UNC13C: variants seen among roughly 807,000 people sequenced by gnomAD.
UNC13C encodes unc-13 homolog C.
UNC13C carries 174 observed loss-of-function variants against 245.4 expected under a neutral mutation model. That is an observed-to-expected ratio of 0.71 (90% CI 0.63 to 0.80). UNC13C has a LOEUF of 0.80. Ranked by LOEUF, UNC13C falls within the 30% of genes least tolerant of loss-of-function variation. The probability of loss-of-function intolerance (pLI) is 0.00; values close to 1 mark genes in which losing one functional copy is unlikely to be tolerated. For synonymous variants in UNC13C, 992 were observed against 895.1 expected, an observed-to-expected ratio of 1.11 and a Z score of -1.93; for missense variants, 2,829 against 2,602.9, an observed-to-expected ratio of 1.09 and a Z score of -1.89.
chr15:54,205,463 A>T (rs915851693), intron 4 of UNC13C, among the ~76,000 whole-genome samples: 1 of 152,064 alleles, frequency 6.6e-6, no homozygotes, highest in African/African-American at 2.4e-5. Context: ...ATGGTAAAGA[A>T]AAATGAGCGA....
At chr15:53,992,893 C>T (rs1010476371) in intron 1 of UNC13C, among the ~76,000 whole-genome samples, 3 of 152,056 alleles carry the variant, frequency 2.0e-5, no homozygotes, top group Admixed American at 6.6e-5. Context: ...ATCACTTCTT[C>T]CCCTGAACCT....
At chr15:54,621,965 G>A (rs1265900957) in intron 30 of UNC13C, among the ~76,000 whole-genome samples, 2 of 152,150 alleles carry the variant, frequency 1.3e-5, no homozygotes, top group Non-Finnish European at 2.9e-5. Flanking sequence ...ATGGCACATT[G>A]TGGAAAAGCT....
At chr15:54,009,388 AT>A (rs1895280216) in intron 1 of UNC13C, among the ~76,000 whole-genome samples, 1 of 152,102 alleles carries the variant, frequency 6.6e-6, no homozygotes, top group Non-Finnish European at 1.5e-5. Flanking sequence ...AGTAATTAAT[AT>A]TTACTGGGCT....
intron 4 of UNC13C, among the ~76,000 whole-genome samples, chr15:54,215,746 C>A (rs1269157990): frequency 2.6e-5 from 4 of 151,894 alleles, no homozygotes; most frequent in Admixed American, 6.6e-5. Flanking sequence ...TCAAGACTCT[C>A]ATTAAGAAGC....
At chr15:54,245,664 C>T (rs913296702) in intron 7 of UNC13C, among the ~76,000 whole-genome samples, 29 of 152,214 alleles carry the variant, frequency 1.9e-4, no homozygotes, top group African/African-American at 7.0e-4. Flanking sequence ...TCAAAAAGAT[C>T]ATATTATACC....
intron 8 of UNC13C, among the ~76,000 whole-genome samples, chr15:54,256,076 C>G (rs1411155140): frequency 6.6e-6 from 1 of 152,172 alleles, no homozygotes; most frequent in Non-Finnish European, 1.5e-5. Context: ...AATAATCTGA[C>G]TTCCAGTCTT....
intron 30 of UNC13C, among the ~76,000 whole-genome samples, chr15:54,579,187 G>C (rs1898096642): frequency 6.6e-6 from 1 of 152,088 alleles, no homozygotes; most frequent in African/African-American, 2.4e-5. Context: ...TTCTTCTACA[G>C]GATTCCAAAA....
At chr15:54,072,649 G>A (rs1034999063) in intron 2 of UNC13C, among the ~76,000 whole-genome samples, 1 of 152,104 alleles carries the variant, frequency 6.6e-6, no homozygotes, top group East Asian at 1.9e-4. Context: ...TCAGTATAAG[G>A]TAGGCAGAGA....
intron 30 of UNC13C, among the ~76,000 whole-genome samples, chr15:54,594,951 A>G (rs9673119): frequency 0.45 from 67,980 of 152,080 alleles, 16,378 homozygotes; most frequent in East Asian, 0.68. Context: ...GCTCTGCCCA[A>G]TTTATTGGTT....
intron 17 of UNC13C, among the ~76,000 whole-genome samples, chr15:54,361,241 T>C (rs997347191): frequency 6.6e-6 from 1 of 152,142 alleles, no homozygotes; most frequent in African/African-American, 2.4e-5. Flanking sequence ...AAGTCTATTG[T>C]TGAGGCTTTC....
intron 30 of UNC13C, among the ~76,000 whole-genome samples, chr15:54,585,276 A>T (rs1287084990): frequency 6.6e-6 from 1 of 152,070 alleles, no homozygotes; most frequent in East Asian, 1.9e-4. Context: ...TGAGTTCTTG[A>T]TGTATTCATT....
chr15:54,440,168 C>G (rs1890438711), intron 19 of UNC13C, among the ~76,000 whole-genome samples: 1 of 151,998 alleles, frequency 6.6e-6, no homozygotes, highest in Non-Finnish European at 1.5e-5. Flanking sequence ...CTCCTGCCTC[C>G]ACTTCTCTCT....
chr15:54,233,402 C>A (rs2035604661), intron 4 of UNC13C, among the ~76,000 whole-genome samples: 1 of 152,258 alleles, frequency 6.6e-6, no homozygotes, highest in African/African-American at 2.4e-5. Flanking sequence ...AAGTGCACGA[C>A]TCTGAAAATA....
At chr15:54,186,588 A>G (rs1159433858) in intron 4 of UNC13C, among the ~76,000 whole-genome samples, 2 of 152,020 alleles carry the variant, frequency 1.3e-5, no homozygotes, top group African/African-American at 2.4e-5. Context: ...TGAAGAATGT[A>G]TGTTATTATT....
chr15:54,621,805 A>G (rs1466955864), intron 30 of UNC13C, among the ~76,000 whole-genome samples: 2 of 152,166 alleles, frequency 1.3e-5, no homozygotes, highest in African/African-American at 4.8e-5. Flanking sequence ...AATCTTTTCC[A>G]GGAGACAGTT....
intron 19 of UNC13C, among the ~76,000 whole-genome samples, chr15:54,465,596 A>C (rs57385376): frequency 0.03 from 4,530 of 152,150 alleles, 180 homozygotes; most frequent in Admixed American, 0.12. Context: ...ACTATGGCTG[A>C]GGCTAGATAA....
In UNC13C at chr15:54,014,417, C is replaced by T; in HGVS notation, c.1514C>T (p.Ser505Leu). 6.2e-7 allele frequency: 1 copy of T among 1,613,766 alleles called. No individual in the cohort carries two copies. The highest frequency in any genetic ancestry group is 8.5e-7 in the Non-Finnish European group (1 of 1,179,834). Residue 505 changes from serine (S) to leucine (L), a missense_variant, in exon 2 of 33, where the codon TCA becomes TTA. Coordinates refer to ENST00000260323, the MANE Select transcript of UNC13C (RefSeq NM_001080534.3). ...AATAGCAGCAGAATTTCAAATAAAT[C>T]AGATTATGATAAAATCTCCTCACAG... is the stretch of plus-strand genomic sequence containing the variant. Reference protein sequence around the residue: ...TANSSRISNKSDYDKISSQLP... With the variant: ...TANSSRISNKLDYDKISSQLP...
intron 17 of UNC13C, among the ~76,000 whole-genome samples, chr15:54,363,358 C>G (rs1252867780): frequency 6.6e-6 from 1 of 152,226 alleles, no homozygotes; most frequent in Non-Finnish European, 1.5e-5. Flanking sequence ...ATCTGCCCAC[C>G]TCAGCCTCCC....
the UNC13C span, among the ~76,000 whole-genome samples, chr15:53,854,122 G>GTTTTTTTTTTTTTTTTTTT: frequency 7.5e-6 from 1 of 133,578 alleles, no homozygotes; most frequent in African/African-American, 2.8e-5. Flanking sequence ...GTTTTTATAG[G>GTTTTTTTTTTTTTTTTTTT]TTTTTTTTTT....
Sources: allele counts gnomAD v4.1 joint callset (sites outside exome capture counted in the v4.1 genomes callset), GRCh38; gene constraint gnomAD v4.1.1; transcripts MANE v1.5; gene names NCBI Gene and HGNC (gene_info 2026-07-23, HGNC 2026-07-21).